TLK1: variants seen among roughly 807,000 people sequenced by gnomAD.
The protein encoded by TLK1 is tousled like kinase 1.
Under a neutral mutation model 105.3 loss-of-function variants are expected in TLK1, and 24 were observed. That is an observed-to-expected ratio of 0.23 (90% CI 0.17 to 0.32). The LOEUF is 0.32. TLK1 is among the 10% of genes least tolerant of loss of function. The probability of loss-of-function intolerance (pLI) is 1.00; values close to 1 mark genes in which losing one functional copy is unlikely to be tolerated. For synonymous variants in TLK1, 321 were observed against 310.4 expected, an observed-to-expected ratio of 1.03 and a Z score of -0.36; for missense variants, 558 against 910.5, an observed-to-expected ratio of 0.61 and a Z score of 4.98.
Position 171,053,775 on chromosome 2 carries a change from C to CTA in TLK1, c.716_717dup (p.Asp240Ter). ...TCATTACTTACCCTGAGCAAATCAT[C>CTA]TATACGTCCCTCCTTCTTTTCCAGG... On this transcript the variant is annotated frameshift_variant, in exon 8 of 21. Coordinates refer to ENST00000431350, the MANE Select transcript of TLK1 (RefSeq NM_012290.5). LOFTEE classifies it high-confidence loss of function. 6.2e-7 allele frequency: 1 copy of CTA among 1,608,070 alleles called. No homozygotes were observed. The highest frequency in any genetic ancestry group is 8.5e-7 in the Non-Finnish European group (1 of 1,177,304).
intron 18 of TLK1, among the ~76,000 whole-genome samples, chr2:171,001,854 C>G (rs938425146): frequency 6.6e-6 from 1 of 151,782 alleles, no homozygotes; most frequent in Non-Finnish European, 1.5e-5. Context: ...TGATCTCGCT[C>G]ACTGCAACCT....
At position 171,098,475 on chromosome 2, in the gene TLK1, AC is replaced by A. The variant is rs1026642211; in HGVS notation, c.259-15624del. 8.5e-5 allele frequency among the ~76,000 whole-genome samples: 13 copies of A among 152,294 alleles called. No homozygotes were observed. In the South Asian group the frequency reaches 2.7e-3, roughly 32 times the overall value. ...AAGAAATAGTAGCAGTATAATTAAA[AC>A]AAGAAAACGAATAAATATCTACCCT... On this transcript the variant is annotated intron_variant, in intron 2 of 20. Coordinates refer to ENST00000431350, the MANE Select transcript of TLK1 (RefSeq NM_012290.5).
chr2:171,196,975 C>T (rs535464298), intron 1 of TLK1, among the ~76,000 whole-genome samples: 1 of 152,114 alleles, frequency 6.6e-6, no homozygotes, highest in Non-Finnish European at 1.5e-5. Context: ...CTACATTTCA[C>T]GTAAGTCATA....
chr2:171,213,904 T>C (rs1693666190), intron 1 of TLK1, among the ~76,000 whole-genome samples: 1 of 150,620 alleles, frequency 6.6e-6, no homozygotes, highest in South Asian at 2.1e-4. Context: ...AAAAAATTTT[T>C]TTTTTAGAGA....
intron 3 of TLK1, among the ~76,000 whole-genome samples, chr2:171,065,604 C>G (rs1301768420): frequency 6.6e-6 from 1 of 151,442 alleles, no homozygotes; most frequent in Non-Finnish European, 1.5e-5. Flanking sequence ...GCGGCGCAAT[C>G]TCAGCTCACT....
intron 1 of TLK1, among the ~76,000 whole-genome samples, chr2:171,136,944 C>G (rs1018428445): frequency 6.6e-6 from 1 of 152,200 alleles, no homozygotes; most frequent in Non-Finnish European, 1.5e-5. Flanking sequence ...TTAAAGAACA[C>G]AGTCATCCCA....
At chr2:171,212,244 G>C (rs1693630967) in intron 1 of TLK1, among the ~76,000 whole-genome samples, 1 of 151,724 alleles carries the variant, frequency 6.6e-6, no homozygotes, top group Non-Finnish European at 1.5e-5. Context: ...TTTTATCATA[G>C]AGAAACATTC....
At chr2:171,199,502 G>T (rs931557618) in intron 1 of TLK1, among the ~76,000 whole-genome samples, 27 of 119,936 alleles carry the variant, frequency 2.3e-4, no homozygotes, top group Non-Finnish European at 4.3e-4. Flanking sequence ...GACAGAGTGA[G>T]ACCTGGTTAA....
intron 3 of TLK1, among the ~76,000 whole-genome samples, chr2:171,077,327 T>C (rs1300030722): frequency 1.3e-5 from 2 of 152,202 alleles, no homozygotes; most frequent in East Asian, 1.9e-4. Context: ...AAAAGATGTG[T>C]GGTTTTATTT....
At chr2:171,025,312 T>C (rs921093882) in intron 12 of TLK1, among the ~76,000 whole-genome samples, 2 of 152,226 alleles carry the variant, frequency 1.3e-5, no homozygotes, top group East Asian at 1.9e-4. Flanking sequence ...TCATAAATTA[T>C]CCACTTCAAG....
At chr2:171,039,057 A>C (rs1686521134) in intron 11 of TLK1, among the ~76,000 whole-genome samples, 1 of 152,140 alleles carries the variant, frequency 6.6e-6, no homozygotes, top group African/African-American at 2.4e-5. Flanking sequence ...ACCTTTTATA[A>C]CAACCACTTC....
chr2:171,225,646 CA>C (rs201266944), intron 1 of TLK1, among the ~76,000 whole-genome samples: 109 of 149,678 alleles, frequency 7.3e-4, no homozygotes, highest in African/African-American at 2.4e-3. Context: ...TGTATGTCCA[CA>C]AAAAAAAACC....
At chr2:170,998,223 G>A (rs1206366587) in intron 18 of TLK1, among the ~76,000 whole-genome samples, 1 of 152,148 alleles carries the variant, frequency 6.6e-6, no homozygotes, top group East Asian at 1.9e-4. Context: ...TGTTCAAACT[G>A]TAGGCACTTC....
At chr2:171,003,222 C>T (rs554550913) in intron 18 of TLK1, among the ~76,000 whole-genome samples, 72 of 131,938 alleles carry the variant, frequency 5.5e-4, no homozygotes, top group African/African-American at 1.9e-3. Flanking sequence ...TGCAGTGAGC[C>T]GAGATCGCAC....
chr2:171,161,295 G>C (rs1469763300), upstream of TLK1, among the ~76,000 whole-genome samples: 1 of 151,920 alleles, frequency 6.6e-6, no homozygotes, highest in African/African-American at 2.4e-5. Context: ...CCCAACACGG[G>C]GAGAAATGCT....
intron 12 of TLK1, among the ~76,000 whole-genome samples, chr2:171,020,317 G>T (rs1304951606): frequency 6.6e-6 from 1 of 151,638 alleles, no homozygotes; most frequent in Non-Finnish European, 1.5e-5. Context: ...TGAGGTGGGT[G>T]GATCATGAGG....
chr2:171,052,603 A>G (rs1390871070), intron 8 of TLK1, among the ~76,000 whole-genome samples: 4 of 152,234 alleles, frequency 2.6e-5, no homozygotes, highest in Admixed American at 6.5e-5. Flanking sequence ...AAGCTGGGCA[A>G]AAGGGTCCAT....
chr2:171,155,546 T>A (rs1692199572), intron 1 of TLK1: 1 of 152,114 alleles, frequency 6.6e-6, no homozygotes, highest in South Asian at 2.1e-4. Context: ...ATAAGTATAG[T>A]TTAACTATAT....
chr2:171,099,217 C>G (rs1184329567), intron 2 of TLK1, among the ~76,000 whole-genome samples: 1 of 151,984 alleles, frequency 6.6e-6, no homozygotes, highest in East Asian at 1.9e-4. Context: ...TATAAAACAG[C>G]AAAGAGCAAT....
Sources: allele counts gnomAD v4.1 joint callset (sites outside exome capture counted in the v4.1 genomes callset), GRCh38; gene constraint gnomAD v4.1.1; transcripts MANE v1.5; gene names NCBI Gene and HGNC (gene_info 2026-07-23, HGNC 2026-07-21).